Variants in ATP6V1C1 observed in about 807,000 individuals in gnomAD.
ATP6V1C1 encodes the protein ATPase H+ transporting V1 subunit C1, also known as V-type proton ATPase subunit C 1.
ATP6V1C1 carries 45 observed loss-of-function variants against 53.9 expected under a neutral mutation model. That is an observed-to-expected ratio of 0.83 (90% confidence interval 0.66 to 1.07). The LOEUF is 1.07. Among genes scored for constraint, ATP6V1C1 ranks in the 50% least tolerant of loss-of-function variants. ATP6V1C1 has a pLI of 0.00. For synonymous variants in ATP6V1C1, 153 were observed against 155.2 expected (o/e 0.99, Z 0.11); for missense variants, 315 against 440.3 (o/e 0.72, Z 2.55).
At chr8:103,043,433 C>T (rs369530060) in intron 3 of ATP6V1C1, among the ~76,000 whole-genome samples, 10 of 152,146 alleles carry the variant, frequency 6.6e-5, no homozygotes, top group African/African-American at 2.4e-4. Context: ...AGCAATTCTC[C>T]TCCCTCAGCC....
intron 1 of ATP6V1C1, among the ~76,000 whole-genome samples, chr8:103,031,939 G>A (rs1816803231): frequency 6.6e-6 from 1 of 151,878 alleles, no homozygotes; most frequent in African/African-American, 2.4e-5. Flanking sequence ...ACTCGAAGCA[G>A]AGTAAATACT....
At chr8:103,063,852 T>C (rs1817444440) in intron 10 of ATP6V1C1, among the ~76,000 whole-genome samples, 1 of 152,208 alleles carries the variant, frequency 6.6e-6, no homozygotes, top group South Asian at 2.1e-4. Context: ...TTTCTCTTAA[T>C]AATGTAAGAG....
intron 1 of ATP6V1C1, among the ~76,000 whole-genome samples, chr8:103,032,480 T>TTTTTTC (rs983667442): frequency 2.0e-5 from 3 of 152,068 alleles, no homozygotes; most frequent in Non-Finnish European, 4.4e-5. Context: ...TCCCCTTCCT[T>TTTTTTC]TTTTTCTTTT....
At chr8:103,046,973 A>G (rs539651398) in intron 3 of ATP6V1C1, among the ~76,000 whole-genome samples, 102 of 152,276 alleles carry the variant, frequency 6.7e-4, no homozygotes, top group African/African-American at 2.3e-3. Context: ...ATGGGTAAAC[A>G]TGCAACATTT....
chr8:103,058,221 A>G (rs1241683344), intron 8 of ATP6V1C1, among the ~76,000 whole-genome samples: 1 of 152,250 alleles, frequency 6.6e-6, no homozygotes, highest in Non-Finnish European at 1.5e-5. Flanking sequence ...AATGCAGTCA[A>G]GACTTGTTTG....
At chr8:103,031,689 A>C (rs886488223) in intron 1 of ATP6V1C1, among the ~76,000 whole-genome samples, 1 of 152,196 alleles carries the variant, frequency 6.6e-6, no homozygotes, top group African/African-American at 2.4e-5. Context: ...ATTCAACATG[A>C]GATCTGGGGA....
intron 3 of ATP6V1C1, 143 bp downstream of exon 3, chr8:103,042,550 T>A: frequency 1.4e-6 from 1 of 697,336 alleles, no homozygotes; most frequent in Non-Finnish European, 2.4e-6. Flanking sequence ...TATATCAATT[T>A]TATGAAGGTA....
intron 1 of ATP6V1C1, among the ~76,000 whole-genome samples, chr8:103,037,116 A>T (rs903110045): frequency 2.0e-5 from 3 of 152,212 alleles, no homozygotes; most frequent in Non-Finnish European, 2.9e-5. Context: ...AACCGGCGAT[A>T]GGTGGTGATG....
chr8:103,043,324 TTTTTTTTG>T (rs1056938996), intron 3 of ATP6V1C1, among the ~76,000 whole-genome samples: 2 of 84,308 alleles, frequency 2.4e-5, no homozygotes, highest in African/African-American at 6.2e-5. Context: ...AATATCTTTG[TTTTTTTTG>T]TTTTTTTTGA....
In ATP6V1C1 at chr8:103,029,459, G is replaced by T. The variant is rs570130356; in HGVS notation, c.-40+8234G>T. On this transcript the variant is annotated intron_variant, in intron 1 of 12. Coordinates refer to ENST00000518738, the MANE Select transcript of ATP6V1C1 (RefSeq NM_001695.5). ...TAATTTTTGTATTTAGTAGAGAAGG[G>T]GTTTCACCCTGTTGCCCAGGCTGGT... 4.6e-5 allele frequency among the ~76,000 whole-genome samples: 7 copies of T among 152,084 alleles called. No individual in the cohort carries two copies. The South Asian group carries it at 1.5e-3, about 32-fold the overall frequency.
intron 3 of ATP6V1C1, among the ~76,000 whole-genome samples, chr8:103,042,608 C>T (rs894944135): frequency 6.6e-6 from 1 of 152,120 alleles, no homozygotes; most frequent in Non-Finnish European, 1.5e-5. Flanking sequence ...TGCTGATTCT[C>T]TTTTTACTAT....
chr8:103,025,806 A>C (rs904575299), intron 1 of ATP6V1C1, among the ~76,000 whole-genome samples: 1 of 152,256 alleles, frequency 6.6e-6, no homozygotes, highest in Non-Finnish European at 1.5e-5. Flanking sequence ...GTACATATTC[A>C]GTGATAGTTG....
At chr8:103,062,179 T>TG (rs1817413049) in intron 8 of ATP6V1C1, among the ~76,000 whole-genome samples, 1 of 137,578 alleles carries the variant, frequency 7.3e-6, no homozygotes, top group South Asian at 2.4e-4. Context: ...TTTTTTTTTT[T>TG]TTTTTTTTTT....
intron 7 of ATP6V1C1, among the ~76,000 whole-genome samples, 190 bp downstream of exon 7, chr8:103,054,172 A>G (rs1024209937): frequency 1.3e-5 from 2 of 152,054 alleles, no homozygotes; most frequent in Non-Finnish European, 2.9e-5. Context: ...GGCAATGGAG[A>G]CTTCAGTTAT....
intron 12 of ATP6V1C1, among the ~76,000 whole-genome samples, chr8:103,067,970 T>C (rs559223183): frequency 6.6e-6 from 1 of 152,206 alleles, no homozygotes; most frequent in South Asian, 2.1e-4. Flanking sequence ...TAAATTCTTA[T>C]AACATGCATT....
chr8:103,035,940 G>A (rs964072014), intron 1 of ATP6V1C1, among the ~76,000 whole-genome samples: 3 of 152,166 alleles, frequency 2.0e-5, no homozygotes, highest in African/African-American at 7.2e-5. Context: ...TTTGGATGCT[G>A]GGTGATGCTA....
chr8:103,023,225 A>G (rs77481455), intron 1 of ATP6V1C1, among the ~76,000 whole-genome samples: 3,632 of 151,780 alleles, frequency 0.024, 63 homozygotes, highest in South Asian at 0.036. Context: ...CTTTTATTCT[A>G]AAAACAGAGG....
rs1817582058 is a variant in ATP6V1C1 at position 103,071,310 on chromosome 8, T to A, written c.*2563T>A. On this transcript the variant is annotated 3_prime_UTR_variant, in exon 13 of 13. Transcript: ENST00000518738. ...TCAGGGATCATTCACATCCACATCA[T>A]CCTCCCGGCCCCTCCCCGTGTTGTT... 1.3e-5 allele frequency: 2 copies of A among 152,164 alleles called. No individual in the cohort carries two copies. Among genetic ancestry groups the A allele is most frequent in the Non-Finnish European group, 2.9e-5 (2 of 68,052 alleles). 9.4% of individuals were successfully genotyped at this position (152,164 alleles called of 1,614,324 possible). A position where few individuals can be genotyped will look rare whatever the true frequency, so the allele number is the denominator to read the frequency against.
intron 3 of ATP6V1C1, among the ~76,000 whole-genome samples, chr8:103,044,004 T>C (rs1177297042): frequency 6.6e-6 from 1 of 152,162 alleles, no homozygotes; most frequent in Non-Finnish European, 1.5e-5. Context: ...TTCTCCTGCC[T>C]CAGCCTCCCG....
Sources: gnomAD v4.1 joint callset for allele counts (sites outside exome capture counted in the v4.1 genomes callset) on GRCh38, gnomAD v4.1.1 for gene constraint, MANE v1.5 for transcripts, NCBI Gene and HGNC (gene_info 2026-07-23, HGNC 2026-07-21) for gene names.